Variants in MTCL1 observed in about 807,000 individuals in gnomAD.
MTCL1 encodes the protein microtubule crosslinking factor 1, also known as microtubule cross-linking factor 1.
Under a neutral mutation model 141.4 loss-of-function variants are expected in MTCL1, and 79 were observed. The observed-to-expected ratio is 0.56, with a 90% confidence interval of 0.47 to 0.67. MTCL1 has a LOEUF of 0.67. Ranked by LOEUF, MTCL1 falls within the 30% of genes least tolerant of loss-of-function variation. MTCL1 has a pLI of 0.00. For missense variants in MTCL1, 2,177 were observed against 2,113.9 expected (o/e 1.03, Z -0.59); for synonymous variants, 914 against 875.8 (o/e 1.04, Z -0.77).
intron 4 of MTCL1, among the ~76,000 whole-genome samples, chr18:8,732,716 A>G (rs2096256691): frequency 6.6e-6 from 1 of 152,150 alleles, no homozygotes; most frequent in African/African-American, 2.4e-5. Flanking sequence ...TTGAATTCTG[A>G]CCTGAGAATA....
upstream of MTCL1, among the ~76,000 whole-genome samples, chr18:8,714,847 A>T (rs1006335842): frequency 6.6e-6 from 1 of 151,602 alleles, no homozygotes; most frequent in Non-Finnish European, 1.5e-5. Context: ...CCCAGGCTGG[A>T]GTGCAGTGGC....
chr18:8,786,508 C>T (rs2096556458), intron 7 of MTCL1: 2 of 378,596 alleles, frequency 5.3e-6, no homozygotes, highest in Non-Finnish European at 1.0e-5. Context: ...GCCTGTGTCT[C>T]ATGTGACCAT....
rs569097168 is a variant in MTCL1 at position 8,786,007 on chromosome 18, CCGAGCCGCGCGGGAG to C, written c.1805_1819del (p.Arg602_Glu606del). On this transcript the variant is annotated inframe_deletion, in exon 7 of 17. Coordinates refer to ENST00000359865, the Ensembl canonical transcript of MTCL1. ...GGGACGAGCGGGAGAGCCTGCGCCT[CCGAGCCGCGCGGGAG>C]CTGCACCGCCGCGCAGACGGGGACA... 11,863 of 1,607,594 alleles carry C rather than the reference CCGAGCCGCGCGGGAG, an allele frequency of 7.4e-3. 57 individuals are homozygous for C. The highest frequency in any genetic ancestry group is 9.3e-3 in the Non-Finnish European group (10,948 of 1,177,878).
At chr18:8,707,501 C>T (rs985939934) in intron 1 of MTCL1, 2 of 152,764 alleles carry the variant, frequency 1.3e-5, no homozygotes, top group Non-Finnish European at 2.9e-5. Context: ...TAATCCGGCT[C>T]CATCTTTTCT....
intron 4 of MTCL1, among the ~76,000 whole-genome samples, chr18:8,757,533 A>G (rs2096408159): frequency 6.6e-6 from 1 of 152,218 alleles, no homozygotes; most frequent in South Asian, 2.1e-4. Flanking sequence ...GGGAGCCGGG[A>G]GACCTGTCAT....
exon 13 of MTCL1, chr18:8,819,199 C>G: frequency 1.2e-6 from 2 of 1,614,186 alleles, no homozygotes; most frequent in South Asian, 2.2e-5. Context: ...CCCTGGATGA[C>G]GAGCCAGAAG....
At chr18:8,796,612 G>A (rs2075930665) in intron 9 of MTCL1, 150 bp downstream of exon 8, 1 of 807,660 alleles carries the variant, frequency 1.2e-6, no homozygotes, top group South Asian at 1.8e-5. Flanking sequence ...AAAAGATGTA[G>A]AGCAATTCAT....
chr18:8,714,518 G>A (rs1211985687), upstream of MTCL1, among the ~76,000 whole-genome samples: 3 of 152,180 alleles, frequency 2.0e-5, no homozygotes, highest in Non-Finnish European at 4.4e-5. Context: ...GGCTGGGGAG[G>A]CCTCACAATC....
chr18:8,765,355 G>A (rs2096454776), intron 4 of MTCL1, among the ~76,000 whole-genome samples: 1 of 152,228 alleles, frequency 6.6e-6, no homozygotes, highest in Non-Finnish European at 1.5e-5. Flanking sequence ...GAAATGACTG[G>A]CTGAACAGAC....
chr18:8,800,575 C>G (rs1179985917), intron 10 of MTCL1: 1 of 152,266 alleles, frequency 6.6e-6, no homozygotes, highest in Non-Finnish European at 1.5e-5. Flanking sequence ...GACCTGGGCG[C>G]TTTAGAGCCA....
In MTCL1 at chr18:8,810,682, G is replaced by T. The variant is rs574449548; in HGVS notation, c.2605-2297G>T. Reference sequence around the variant, plus strand: ...CTCTTTTAAACTGGGATTTTGTGGTGCTTGGTGCTTTTCTGGTAGTCTTCT... The same window carrying T: ...CTCTTTTAAACTGGGATTTTGTGGTTCTTGGTGCTTTTCTGGTAGTCTTCT... On this transcript the variant is annotated intron_variant, in intron 11 of 16. Coordinates refer to ENST00000359865, the Ensembl canonical transcript of MTCL1. The surrounding 1 kb of genome is among the most constrained non-coding windows in gnomAD (Gnocchi z 5.0). Among the ~76,000 whole-genome samples, 2 of 152,258 alleles carry T rather than the reference G, an allele frequency of 1.3e-5. No homozygotes were observed. Among genetic ancestry groups the T allele is most frequent in the South Asian group, 4.2e-4 (2 of 4,816 alleles).
At chr18:8,726,286 C>CT (rs77665680) in intron 4 of MTCL1, among the ~76,000 whole-genome samples, 16 of 102,274 alleles carry the variant, frequency 1.6e-4, no homozygotes, top group South Asian at 3.4e-4. Context: ...TTCTTTTTTT[C>CT]TTTTTTTTTT....
chr18:8,718,523 C>T (rs771696174), exon 3 of MTCL1: 10 of 1,613,994 alleles, frequency 6.2e-6, no homozygotes, highest in Admixed American at 3.3e-5. Flanking sequence ...AGAACTGGAC[C>T]GCGCTAATAA....
At chr18:8,733,642 G>A (rs1407108931) in intron 4 of MTCL1, among the ~76,000 whole-genome samples, 1 of 152,144 alleles carries the variant, frequency 6.6e-6, no homozygotes, top group Non-Finnish European at 1.5e-5. Context: ...CTGACTTCAA[G>A]TGATCCACCC....
At chr18:8,825,589 C>T in exon 15 of MTCL1, 1 of 1,613,706 alleles carries the variant, frequency 6.2e-7, no homozygotes, top group South Asian at 1.1e-5. Context: ...CCCGTGTCGT[C>T]TCCTTCCCGG....
intron 16 of MTCL1, chr18:8,831,152 G>T (rs1273834547): frequency 2.0e-6 from 2 of 989,192 alleles, no homozygotes; most frequent in East Asian, 1.1e-4. Context: ...TGAAATCAGA[G>T]GTCTCTTTGT....
chr18:8,706,729 G>A lies in MTCL1; in HGVS notation c.1053+16G>A. 1 of 1,544,010 alleles carries A rather than the reference G, an allele frequency of 6.5e-7. No individual in the cohort carries two copies. The highest frequency in any genetic ancestry group is 8.7e-7 in the Non-Finnish European group (1 of 1,145,820). On this transcript the variant is annotated intron_variant, in intron 1 of 13. Transcript: ENST00000306329. The stretch of plus-strand genomic sequence containing the variant: ...CTATCTCAAGGTGAGCCGCGCCTCG[G>A]CCGCAGGTGTCCCGGGGCGCCCCCG...
intron 5 of MTCL1, 86 bp from the exon 5 acceptor site, chr18:8,783,442 TGG>T: frequency 8.2e-7 from 1 of 1,216,718 alleles, no homozygotes; most frequent in South Asian, 1.6e-5. Context: ...TTGTGTGCAT[TGG>T]GGGCGAGGTG....
At chr18:8,792,954 A>T in intron 7 of MTCL1, 44 bp from the exon 7 acceptor site, 1 of 1,608,210 alleles carries the variant, frequency 6.2e-7, no homozygotes, top group Non-Finnish European at 8.5e-7. Context: ...CCTCAGGCAG[A>T]GTTCTCATTT....
Sources: allele counts gnomAD v4.1 joint callset (sites outside exome capture counted in the v4.1 genomes callset), GRCh38; gene constraint gnomAD v4.1.1; non-coding constraint Gnocchi (gnomAD v3.1); transcripts MANE v1.5; gene names NCBI Gene and HGNC (gene_info 2026-07-23, HGNC 2026-07-21).